The following MSN variants were observed in gnomAD, a reference collection of about 807,000 sequenced individuals.
The protein encoded by MSN is moesin, also known as epididymis luminal protein 70.
MSN carries 2 observed loss-of-function variants against 48.0 expected under a neutral mutation model. That is an observed-to-expected ratio of 0.04 (90% CI 0.02 to 0.13). MSN has a LOEUF of 0.13. Among genes scored for constraint, MSN ranks in the 10% least tolerant of loss-of-function variants. The pLI is 1.00. For missense variants in MSN, 267 were observed against 470.1 expected, an observed-to-expected ratio of 0.57 and a Z score of 3.99; for synonymous variants, 146 against 166.9, an observed-to-expected ratio of 0.87 and a Z score of 0.97.
At chrX:65,685,438 G>T (rs958642604) in intron 1 of MSN, among the ~76,000 whole-genome samples, 1 of 111,895 alleles carries the variant, frequency 8.9e-6, no homozygotes, top group Non-Finnish European at 1.9e-5. Flanking sequence ...GTGAAGGAAA[G>T]AAACTTTGTG....
rs12014890 is a variant in MSN, at chrX:65,689,927, A to G, written c.12+22074A>G. On this transcript the variant is annotated intron_variant, in intron 1 of 12. Transcript: ENST00000360270. Reference sequence around the variant, plus strand: ...GAAATTTGAACTCATGACCTTTGGAAACCAGAATGAAGCTTAATGTTGACT... The same window carrying G: ...GAAATTTGAACTCATGACCTTTGGAGACCAGAATGAAGCTTAATGTTGACT... 4.6e-3 allele frequency among the ~76,000 whole-genome samples: 512 copies of G among 111,426 alleles called. 4 individuals are homozygous for G. The highest frequency in any genetic ancestry group is 0.016 in the African/African-American group (491 of 30,626).
rs1376966521 is a variant in MSN, at chrX:65,610,441, CT to C, written c.-22+21833del. 2.7e-5 allele frequency among the ~76,000 whole-genome samples: 3 copies of C among 112,341 alleles called. No individual in the cohort carries two copies. In the East Asian group the frequency reaches 8.2e-4, roughly 31 times the overall value. On this transcript the variant is annotated intron_variant, in intron 1 of 3. Coordinates refer to the MSN transcript ENST00000609672. Reference sequence around the variant, plus strand: ...TACAGCATATATAAGAACTTCATTCCTTTTAACAAATGAATAATATTCCATT... The same window carrying C: ...TACAGCATATATAAGAACTTCATTCCTTTAACAAATGAATAATATTCCATT...
intron 1 of MSN, among the ~76,000 whole-genome samples, chrX:65,679,776 G>A (rs2071036454): frequency 8.9e-6 from 1 of 112,458 alleles, no homozygotes; most frequent in African/African-American, 3.2e-5. Context: ...CTAAGAGTTG[G>A]CCATGAACAT....
At chrX:65,721,566 T>C (rs1285411598) in intron 2 of MSN, among the ~76,000 whole-genome samples, 1 of 111,654 alleles carries the variant, frequency 9.0e-6, no homozygotes, top group African/African-American at 3.3e-5. Flanking sequence ...CTTTTTTTTT[T>C]TCATTTTATA....
intron 1 of MSN, among the ~76,000 whole-genome samples, chrX:65,676,930 T>G (rs1281348688): frequency 9.0e-6 from 1 of 110,505 alleles, no homozygotes; most frequent in Non-Finnish European, 1.9e-5. Flanking sequence ...GTTCAAGAGA[T>G]TCTCCTGCCT....
intron 1 of MSN, among the ~76,000 whole-genome samples, chrX:65,608,402 T>A (rs1369177356): frequency 9.0e-6 from 1 of 110,962 alleles, no homozygotes; most frequent in Non-Finnish European, 1.9e-5. Flanking sequence ...GTAGGGCTTA[T>A]TTATGCAAGG....
Position 65,690,455 on chromosome X carries a change from C to T in MSN, c.12+22602C>T, listed in dbSNP as rs1001810543. On this transcript the variant is annotated intron_variant, in intron 1 of 12. Transcript: ENST00000360270. The stretch of plus-strand genomic sequence containing the variant: ...AGGAAGGGGTGGGGTTAACTAATTG[C>T]ACCCAAGGGAGGTGAGCAGCCCTTT... 2.7e-5 allele frequency among the ~76,000 whole-genome samples: 3 copies of T among 111,954 alleles called. No homozygotes were observed. The Admixed American group carries it at 2.8e-4, about 11-fold the overall frequency.
At chrX:65,679,076 C>T (rs1569461379) in intron 1 of MSN, among the ~76,000 whole-genome samples, 1 of 111,605 alleles carries the variant, frequency 9.0e-6, no homozygotes, top group Non-Finnish European at 1.9e-5. Flanking sequence ...ACTGAATCTA[C>T]CTACCAGAGA....
At chrX:65,717,781 T>G (rs2071481098) in intron 2 of MSN, among the ~76,000 whole-genome samples, 2 of 111,786 alleles carry the variant, frequency 1.8e-5, no homozygotes, top group Non-Finnish European at 3.8e-5. Context: ...TCCAGGATGT[T>G]AGGCTGCATA....
chrX:65,640,771 T>C (rs1277757403), intron 1 of MSN, among the ~76,000 whole-genome samples: 2 of 111,431 alleles, frequency 1.8e-5, no homozygotes, highest in African/African-American at 6.5e-5. Flanking sequence ...AAAGGTATGA[T>C]AGCCTAAATG....
intron 1 of MSN, among the ~76,000 whole-genome samples, chrX:65,708,380 C>A (rs977917031): frequency 4.5e-5 from 5 of 110,892 alleles, no homozygotes; most frequent in Admixed American, 1.9e-4. Context: ...GCAACCTCTG[C>A]CTCCCAGGTT....
intron 1 of MSN, among the ~76,000 whole-genome samples, chrX:65,683,023 G>T (rs147329862): frequency 8.9e-6 from 1 of 112,288 alleles, no homozygotes; most frequent in Non-Finnish European, 1.9e-5. Context: ...AGTAGTGTTC[G>T]TGTCAAGTGG....
intron 1 of MSN, among the ~76,000 whole-genome samples, chrX:65,603,332 A>G (rs1275974553): frequency 1.8e-5 from 2 of 111,753 alleles, no homozygotes; most frequent in Non-Finnish European, 3.8e-5. Flanking sequence ...TTCCAGAACC[A>G]CAACTAAAAC....
chrX:65,639,876 G>T (rs1308971206), intron 1 of MSN, among the ~76,000 whole-genome samples: 1 of 111,631 alleles, frequency 9.0e-6, no homozygotes, highest in African/African-American at 3.3e-5. Flanking sequence ...TTATACACAG[G>T]ACTTACTGTT....
intron 1 of MSN, among the ~76,000 whole-genome samples, chrX:65,615,047 T>G (rs1470892303): frequency 9.6e-6 from 1 of 104,090 alleles, no homozygotes; most frequent in East Asian, 3.0e-4. Context: ...TCATTTTTTA[T>G]GGCTGCATAG....
chrX:65,724,391 G>A (rs149726295), intron 2 of MSN, among the ~76,000 whole-genome samples: 1,823 of 111,249 alleles, frequency 0.016, 44 homozygotes, highest in African/African-American at 0.057. Context: ...TGATCCACCT[G>A]TCTTGGCCTC....
chrX:65,703,987 G>A (rs1031063068), intron 1 of MSN, among the ~76,000 whole-genome samples: 1 of 112,156 alleles, frequency 8.9e-6, no homozygotes, highest in African/African-American at 3.2e-5. Context: ...CCCAAGTTTG[G>A]GTTTGGATCA....
At chrX:65,602,577 G>A (rs2070245624) in intron 1 of MSN, among the ~76,000 whole-genome samples, 1 of 111,278 alleles carries the variant, frequency 9.0e-6, no homozygotes, top group African/African-American at 3.3e-5. Flanking sequence ...GTGGCAGGGT[G>A]GCTTTGAGTT....
intron 1 of MSN, among the ~76,000 whole-genome samples, chrX:65,632,278 C>T (rs929361538): frequency 8.1e-5 from 9 of 111,670 alleles, no homozygotes; most frequent in Non-Finnish European, 1.7e-4. Flanking sequence ...ACCGTCTCTT[C>T]CTTACCCTTT....
Sources: gnomAD v4.1 joint callset for allele counts (sites outside exome capture counted in the v4.1 genomes callset) on GRCh38, gnomAD v4.1.1 for gene constraint, MANE v1.5 for transcripts, NCBI Gene and HGNC (gene_info 2026-07-23, HGNC 2026-07-21) for gene names.